The following CFAP221 variants were observed in gnomAD, a reference collection of about 807,000 sequenced individuals.
CFAP221 encodes cilia- and flagella-associated protein 221.
A neutral mutation model predicts 113.1 loss-of-function variants in CFAP221; 97 were observed. That is an observed-to-expected ratio of 0.86 (90% CI 0.73 to 1.02). The LOEUF (loss-of-function observed/expected upper bound fraction) is 1.02. Among genes scored for constraint, CFAP221 ranks in the 50% least tolerant of loss-of-function variants. The probability of loss-of-function intolerance (pLI) is 0.00; values close to 1 mark genes in which losing one functional copy is unlikely to be tolerated. For synonymous variants in CFAP221, 331 were observed against 354.4 expected (o/e 0.93, Z 0.74); for missense variants, 1,025 against 1,013.4 (o/e 1.01, Z -0.16).
At chr2:119,646,381 C>G (rs188572956) in intron 21 of CFAP221, among the ~76,000 whole-genome samples, 3 of 152,264 alleles carry the variant, frequency 2.0e-5, no homozygotes, top group Admixed American at 2.0e-4. Flanking sequence ...TGGAGACTTA[C>G]AATCATGGCG....
intron 7 of CFAP221, among the ~76,000 whole-genome samples, chr2:119,595,362 G>A (rs945003836): frequency 6.6e-6 from 1 of 152,176 alleles, no homozygotes; most frequent in African/African-American, 2.4e-5. Flanking sequence ...TTGGTAGTCA[G>A]GCTTTTTGTT....
intron 14 of CFAP221, among the ~76,000 whole-genome samples, chr2:119,620,451 A>G (rs572277954): frequency 6.6e-6 from 1 of 152,334 alleles, no homozygotes; most frequent in Admixed American, 6.5e-5. Flanking sequence ...ATTCTCACAG[A>G]AAAGCATTTT....
Position 119,608,563 on chromosome 2 carries a change from T to C in CFAP221, c.1195T>C (p.Trp399Arg). Residue 399 changes from tryptophan to arginine, a missense_variant, in exon 12 of 24, where the codon TGG (tryptophan) becomes CGG (arginine). Coordinates refer to ENST00000413369, the MANE Select transcript of CFAP221 (RefSeq NM_001271049.2). ...ACTTAAAAAAGAGCTTACTGAAGAG[T>C]GGCAAAAAGCATGTGCCAAATATAA... Reference protein sequence around the residue: ...FKLKKELTEEWQKACAKYKLD... With the variant: ...FKLKKELTEERQKACAKYKLD... 6.2e-7 allele frequency: 1 copy of C among 1,611,670 alleles called. No individual in the cohort carries two copies. Among genetic ancestry groups the C allele is most frequent in the Non-Finnish European group, 8.5e-7 (1 of 1,178,964 alleles).
chr2:119,643,894 T>C (rs1687643706), intron 21 of CFAP221, among the ~76,000 whole-genome samples: 1 of 151,664 alleles, frequency 6.6e-6, no homozygotes, highest in African/African-American at 2.4e-5. Context: ...GGTTTATGCC[T>C]ATAATCCCAG....
intron 8 of CFAP221, among the ~76,000 whole-genome samples, chr2:119,602,149 A>G (rs886425299): frequency 7.2e-5 from 11 of 152,144 alleles, no homozygotes; most frequent in Non-Finnish European, 1.3e-4. Flanking sequence ...GGAGGCTGAG[A>G]CGGGTGGATC....
chr2:119,638,179 C>G, intron 19 of CFAP221, 80 bp from the exon 20 acceptor site: 2 of 1,467,104 alleles, frequency 1.4e-6, no homozygotes, highest in Non-Finnish European at 1.9e-6. Context: ...GAGCCACAGA[C>G]AGCATTAGCT....
At chr2:119,588,655 T>C (rs1484374988) in intron 7 of CFAP221, among the ~76,000 whole-genome samples, 1 of 152,146 alleles carries the variant, frequency 6.6e-6, no homozygotes. Context: ...TTCAGACAAA[T>C]GCATGATACA....
intron 22 of CFAP221, among the ~76,000 whole-genome samples, chr2:119,649,785 A>G (rs1688016509): frequency 6.6e-6 from 1 of 152,176 alleles, no homozygotes; most frequent in South Asian, 2.1e-4. Context: ...TTATCTTAGG[A>G]TGTTGCATTC....
intron 7 of CFAP221, 40 bp from the exon 8 acceptor site, chr2:119,601,175 CAAG>C (rs764266246): frequency 8.6e-5 from 126 of 1,457,606 alleles, no homozygotes; most frequent in Non-Finnish European, 1.1e-4. Context: ...CTGGACTTGG[CAAG>C]AAGAGAGGGT....
intron 4 of CFAP221, 22 bp downstream of exon 4, chr2:119,559,797 G>A (rs1454162981): frequency 1.3e-6 from 2 of 1,502,428 alleles, no homozygotes; most frequent in African/African-American, 2.8e-5. Context: ...TGGTTTACCT[G>A]TTCTCCCACG....
At chr2:119,639,357 G>C (rs1218922027) in intron 20 of CFAP221, among the ~76,000 whole-genome samples, 1 of 152,200 alleles carries the variant, frequency 6.6e-6, no homozygotes, top group East Asian at 1.9e-4. Flanking sequence ...CCTGCACTCA[G>C]CCCAGCCGGG....
At chr2:119,621,102 G>A (rs892770131) in intron 14 of CFAP221, among the ~76,000 whole-genome samples, 2 of 151,944 alleles carry the variant, frequency 1.3e-5, no homozygotes, top group Admixed American at 6.6e-5. Context: ...GTGCATGCCT[G>A]GAATCCCAGC....
At chr2:119,637,910 C>G (rs1687214954) in intron 19 of CFAP221, among the ~76,000 whole-genome samples, 1 of 152,186 alleles carries the variant, frequency 6.6e-6, no homozygotes, top group Admixed American at 6.5e-5. Context: ...AACCAGTGTG[C>G]TCATTTAATA....
At chr2:119,649,422 C>T (rs1373643817) in intron 22 of CFAP221, among the ~76,000 whole-genome samples, 1 of 152,146 alleles carries the variant, frequency 6.6e-6, no homozygotes, top group African/African-American at 2.4e-5. Flanking sequence ...AAGGAGCGTC[C>T]ATATTTATCA....
At chr2:119,565,281 T>C (rs1241623800) in intron 6 of CFAP221, among the ~76,000 whole-genome samples, 1 of 152,224 alleles carries the variant, frequency 6.6e-6, no homozygotes, top group Non-Finnish European at 1.5e-5. Flanking sequence ...ACTCACTCTC[T>C]GAATTTTGAG....
chr2:119,620,719 C>A (rs1013698628), intron 14 of CFAP221, among the ~76,000 whole-genome samples: 4 of 152,252 alleles, frequency 2.6e-5, no homozygotes, highest in Admixed American at 1.3e-4. Context: ...ATCATAATGA[C>A]AGGATCCAAT....
At chr2:119,591,564 A>T (rs948555915) in intron 7 of CFAP221, among the ~76,000 whole-genome samples, 3 of 152,208 alleles carry the variant, frequency 2.0e-5, no homozygotes, top group African/African-American at 7.2e-5. Context: ...GAATTCTATA[A>T]CCCTGTCCAA....
At chr2:119,653,854 A>T (rs955242252) in intron 23 of CFAP221, among the ~76,000 whole-genome samples, 2 of 152,194 alleles carry the variant, frequency 1.3e-5, no homozygotes, top group Non-Finnish European at 2.9e-5. Context: ...ACTTTTTAAA[A>T]GACCATCTCA....
intron 3 of CFAP221, among the ~76,000 whole-genome samples, chr2:119,558,698 C>G (rs1681002238): frequency 6.6e-6 from 1 of 152,042 alleles, no homozygotes; most frequent in South Asian, 2.1e-4. Flanking sequence ...TGGTGCATGC[C>G]TATAATCCCA....
Sources: gnomAD v4.1 joint callset for allele counts (sites outside exome capture counted in the v4.1 genomes callset) on GRCh38, gnomAD v4.1.1 for gene constraint, MANE v1.5 for transcripts, NCBI Gene and HGNC (gene_info 2026-07-23, HGNC 2026-07-21) for gene names.